The following KLHL29 variants were observed in gnomAD, a reference collection of about 807,000 sequenced individuals.
The protein encoded by KLHL29 is kelch like family member 29, also known as kelch-like protein 29.
KLHL29 carries 21 observed loss-of-function variants against 80.4 expected under a neutral mutation model. That is an observed-to-expected ratio of 0.26 (90% CI 0.19 to 0.38). The LOEUF (loss-of-function observed/expected upper bound fraction) is 0.38, where lower values mean the gene tolerates loss of function less well. KLHL29 is among the 10% of genes least tolerant of loss of function. The pLI is 1.00. For synonymous variants in KLHL29, 511 were observed against 526.8 expected (o/e 0.97, Z 0.41); for missense variants, 867 against 1,223.9 (o/e 0.71, Z 4.35).
chr2:23,573,521 G>A (rs867278618), intron 3 of KLHL29, among the ~76,000 whole-genome samples: 46 of 152,210 alleles, frequency 3.0e-4, no homozygotes, highest in Non-Finnish European at 6.6e-4. Context: ...TGGATGAGCA[G>A]CTGGCTGCGT....
intron 3 of KLHL29, among the ~76,000 whole-genome samples, chr2:23,605,395 G>A (rs1467992920): frequency 2.0e-5 from 3 of 151,844 alleles, no homozygotes; most frequent in South Asian, 4.2e-4. Context: ...ACCACACCCC[G>A]CCTACCTGCC....
chr2:23,390,365 A>G (rs889752416), intron 1 of KLHL29, among the ~76,000 whole-genome samples: 23 of 152,156 alleles, frequency 1.5e-4, no homozygotes, highest in African/African-American at 5.6e-4. Context: ...AACGGCGAGC[A>G]TGGTTGTAAC....
At chr2:23,606,138 T>G (rs12470568) in intron 3 of KLHL29, among the ~76,000 whole-genome samples, 60,493 of 144,048 alleles carry the variant, frequency 0.42, 12,411 homozygotes, top group East Asian at 0.65. Flanking sequence ...TTCCGTGAGC[T>G]AGTGTGTGTG....
chr2:23,588,839 A>G (rs1017520451), intron 3 of KLHL29, among the ~76,000 whole-genome samples: 2 of 152,142 alleles, frequency 1.3e-5, no homozygotes, highest in Non-Finnish European at 2.9e-5. Context: ...CCGGAAGACA[A>G]GTCTCACCCA....
chr2:23,538,620 G>A (rs945487103), intron 2 of KLHL29, among the ~76,000 whole-genome samples: 3 of 152,234 alleles, frequency 2.0e-5, no homozygotes, highest in Admixed American at 1.3e-4. Context: ...ATCTTTGGTT[G>A]TGGGGAGGGA....
At chr2:23,572,763 C>T (rs994732539) in intron 3 of KLHL29, among the ~76,000 whole-genome samples, 1 of 150,892 alleles carries the variant, frequency 6.6e-6, no homozygotes, top group Non-Finnish European at 1.5e-5. Context: ...TGCAGTGGCA[C>T]GATCTCAGCT....
At position 23,707,457 on chromosome 2, in the gene KLHL29, A is replaced by C. The variant is rs979167324; in HGVS notation, c.*793A>C. On this transcript the variant is annotated 3_prime_UTR_variant, in exon 14 of 14. Transcript: ENST00000486442. ...AGGGATAATGTTGTGGGAATTCCCA[A>C]AGCTCTTTGTAGGTAGTGCCAGAGG... 6.6e-6 allele frequency: 1 copy of C among 152,192 alleles called. No homozygotes were observed. The highest frequency in any genetic ancestry group is 6.5e-5 in the Admixed American group (1 of 15,280). 9.4% of individuals were successfully genotyped at this position (152,192 alleles called of 1,614,324 possible). A position where few individuals can be genotyped will look rare whatever the true frequency, so the allele number is the denominator to read the frequency against.
chr2:23,459,512 G>A (rs1664150399), intron 1 of KLHL29, among the ~76,000 whole-genome samples: 1 of 152,306 alleles, frequency 6.6e-6, no homozygotes, highest in African/African-American at 2.4e-5. Flanking sequence ...GGAGGCAGGG[G>A]TGATTCGGCA....
intron 2 of KLHL29, among the ~76,000 whole-genome samples, chr2:23,553,504 G>A (rs766268993): frequency 2.0e-5 from 3 of 152,286 alleles, no homozygotes; most frequent in South Asian, 2.1e-4. Context: ...GCACCTACAC[G>A]TGGCCCCTGC....
At chr2:23,665,463 T>G (rs981767425) in intron 5 of KLHL29, among the ~76,000 whole-genome samples, 3 of 152,196 alleles carry the variant, frequency 2.0e-5, no homozygotes, top group African/African-American at 7.2e-5. Context: ...CTACCACCAG[T>G]ACCCCTGCCA....
intron 1 of KLHL29, among the ~76,000 whole-genome samples, chr2:23,386,396 C>T (rs1666183259): frequency 6.6e-6 from 1 of 152,172 alleles, no homozygotes; most frequent in Non-Finnish European, 1.5e-5. Context: ...GGGAGGGAAC[C>T]CGCACAGACC....
chr2:23,561,066 G>A (rs1209361700), intron 2 of KLHL29, among the ~76,000 whole-genome samples: 5 of 152,158 alleles, frequency 3.3e-5, no homozygotes, highest in Non-Finnish European at 5.9e-5. Flanking sequence ...AAAGGCCAAA[G>A]GCAACCAAGC....
In KLHL29 at chr2:23,480,740, A is replaced by C. The variant is rs146790471; in HGVS notation, c.-46+5073A>C. On this transcript the variant is annotated intron_variant, in intron 2 of 13. Transcript: ENST00000486442. Reference sequence around the variant, plus strand: ...TCCTTTAAAATCTACCCCCTGGATCAAGCCATCCAAAAGCTGGGTACCTTG... The same window carrying C: ...TCCTTTAAAATCTACCCCCTGGATCCAGCCATCCAAAAGCTGGGTACCTTG... 3.5e-3 allele frequency among the ~76,000 whole-genome samples: 536 copies of C among 152,292 alleles called. 1 individual carries two copies. The highest frequency in any genetic ancestry group is 6.8e-3 in the Middle Eastern group (2 of 292).
Position 23,542,724 on chromosome 2 carries a change from G to A in KLHL29, c.-45-19428G>A, listed in dbSNP as rs914209431. Among the ~76,000 whole-genome samples, 6 of 152,252 alleles carry A rather than the reference G, an allele frequency of 3.9e-5. No individual in the cohort carries two copies. In the South Asian group the frequency reaches 1.2e-3, roughly 32 times the overall value. On this transcript the variant is annotated intron_variant, in intron 2 of 13. Transcript: ENST00000486442. ...GGGCAGGCTTCTGCCTGAACCCTCA[G>A]AGAGCCTCACCTGGACCAACTACAA...
intron 5 of KLHL29, among the ~76,000 whole-genome samples, chr2:23,648,510 T>G (rs1394597111): frequency 1.3e-5 from 2 of 151,954 alleles, no homozygotes; most frequent in African/African-American, 4.8e-5. Context: ...TCTCCCATTG[T>G]AACGTTTGAC....
chr2:23,600,798 C>T (rs921741789), intron 3 of KLHL29, among the ~76,000 whole-genome samples: 2 of 152,178 alleles, frequency 1.3e-5, no homozygotes, highest in African/African-American at 2.4e-5. Flanking sequence ...TGCCAGAATC[C>T]ACCCTTCGCC....
At chr2:23,653,665 G>A (rs922685018) in intron 5 of KLHL29, among the ~76,000 whole-genome samples, 2 of 152,176 alleles carry the variant, frequency 1.3e-5, no homozygotes, top group South Asian at 2.1e-4. Flanking sequence ...ATCCCAAAAG[G>A]AGAGGAAAAG....
At chr2:23,571,277 T>C (rs1170032528) in intron 3 of KLHL29, among the ~76,000 whole-genome samples, 1 of 152,128 alleles carries the variant, frequency 6.6e-6, no homozygotes, top group Non-Finnish European at 1.5e-5. Flanking sequence ...AATGGGGGCG[T>C]GGGCTGAGCC....
chr2:23,507,357 A>G (rs535049448), intron 2 of KLHL29: 99 of 169,702 alleles, frequency 5.8e-4, no homozygotes, highest in African/African-American at 2.3e-3. Context: ...CCCACCAGAT[A>G]ATAAGATTAC....
Sources: gnomAD v4.1 joint callset for allele counts (sites outside exome capture counted in the v4.1 genomes callset) on GRCh38, gnomAD v4.1.1 for gene constraint, MANE v1.5 for transcripts, NCBI Gene and HGNC (gene_info 2026-07-23, HGNC 2026-07-21) for gene names.